The following ANXA4 variants were observed in gnomAD, a reference collection of about 807,000 sequenced individuals.
ANXA4 encodes 35-beta calcimedin.
In ANXA4, 39 loss-of-function variants were observed where a neutral mutation model predicts 49.8. The observed-to-expected ratio is 0.78, with a 90% confidence interval of 0.61 to 1.02. The LOEUF is 1.02. ANXA4 is among the 50% of genes least tolerant of loss of function. The pLI is 0.00. For missense variants in ANXA4, 360 were observed against 410.1 expected (o/e 0.88, Z 1.05); for synonymous variants, 134 against 152.5 (o/e 0.88, Z 0.89).
intron 1 of ANXA4, among the ~76,000 whole-genome samples, chr2:69,756,867 A>T (rs1343355932): frequency 6.6e-6 from 1 of 151,828 alleles, no homozygotes; most frequent in Non-Finnish European, 1.5e-5. Flanking sequence ...ATTCACAAAG[A>T]ATACAAGTTT....
At chr2:69,715,246 G>A (rs766292843) in intron 2 of ANXA4, among the ~76,000 whole-genome samples, 3 of 152,072 alleles carry the variant, frequency 2.0e-5, no homozygotes, top group Non-Finnish European at 4.4e-5. Context: ...GTCTCGCTCT[G>A]TCACCCAGGC....
rs1421083668 is a variant in ANXA4, at chr2:69,810,928, G to C, written c.477+255G>C. The C allele has an allele frequency of 1.0e-5, 5 of 480,632 alleles. No individual in the cohort carries two copies. The Admixed American group carries it at 1.7e-4, about 16-fold the overall frequency. The allele number at this position is 480,632 out of a possible 1,614,324, so 29.8% of individuals were successfully genotyped here. On this transcript the variant is annotated intron_variant, in intron 7 of 12. Coordinates refer to ENST00000394295, the MANE Select transcript of ANXA4 (RefSeq NM_001153.5). The stretch of plus-strand genomic sequence containing the variant: ...CCCCCTGTCACTCAGTGCATTGAGA[G>C]TTATGAAGATGATTCAGAGGCAGTT...
At chr2:69,825,163 C>G (rs1674418732) in intron 12 of ANXA4, among the ~76,000 whole-genome samples, 1 of 150,900 alleles carries the variant, frequency 6.6e-6, no homozygotes, top group South Asian at 2.1e-4. Flanking sequence ...CAGAATACTA[C>G]TGTTCTATCA....
At chr2:69,788,976 T>C (rs1274843773) in intron 3 of ANXA4, among the ~76,000 whole-genome samples, 1 of 152,172 alleles carries the variant, frequency 6.6e-6, no homozygotes, top group Non-Finnish European at 1.5e-5. Flanking sequence ...GGGCATTAGT[T>C]CTTCACTTTA....
chr2:69,758,298 C>G (rs531332088), intron 1 of ANXA4, among the ~76,000 whole-genome samples: 20 of 152,290 alleles, frequency 1.3e-4, no homozygotes, highest in Admixed American at 7.2e-4. Flanking sequence ...CAGGCGTGAG[C>G]TACCGTACCT....
At chr2:69,722,761 G>A (rs1290776822) in intron 3 of ANXA4, among the ~76,000 whole-genome samples, 3 of 150,862 alleles carry the variant, frequency 2.0e-5, no homozygotes, top group South Asian at 2.1e-4. Flanking sequence ...TGTTTAAAAC[G>A]GCAAATTTTA....
At chr2:69,669,334 G>A (rs1274054796) in intron 2 of ANXA4, among the ~76,000 whole-genome samples, 1 of 151,872 alleles carries the variant, frequency 6.6e-6, no homozygotes, top group African/African-American at 2.4e-5. Flanking sequence ...ATAAGGCCGG[G>A]CGCAGTGGCT....
rs1673822633 is a variant in ANXA4 at position 69,813,843 on chromosome 2, C to A, written c.534+1134C>A. On this transcript the variant is annotated intron_variant, in intron 8 of 12. Transcript: ENST00000394295. ...TGTGATCTCAGCTCACCGCAACCTC[C>A]CCCTCCCAGGTTCAAGCAATTCTCC... Among the ~76,000 whole-genome samples, 4 of 150,828 alleles carry A rather than the reference C, an allele frequency of 2.7e-5. No homozygotes were observed. The South Asian group carries it at 8.4e-4, about 32-fold the overall frequency.
intron 3 of ANXA4, among the ~76,000 whole-genome samples, chr2:69,788,754 C>T (rs1311061905): frequency 4.0e-5 from 6 of 150,024 alleles, no homozygotes; most frequent in Non-Finnish European, 5.9e-5. Flanking sequence ...AGGAGAATGG[C>T]GTGAACCCGG....
exon 1 of ANXA4, chr2:69,644,502 G>T (rs955630130): frequency 5.9e-5 from 9 of 152,214 alleles, no homozygotes; most frequent in African/African-American, 2.2e-4. Flanking sequence ...AGCCGGCTCT[G>T]CGGTCAGCTC....
intron 1 of ANXA4, among the ~76,000 whole-genome samples, chr2:69,777,344 T>G (rs921150075): frequency 2.0e-5 from 3 of 152,126 alleles, no homozygotes; most frequent in African/African-American, 7.2e-5. Flanking sequence ...GGCTGAAAAT[T>G]CCAACTCTTT....
At chr2:69,673,341 T>A (rs1030486510) in intron 2 of ANXA4, among the ~76,000 whole-genome samples, 1 of 152,102 alleles carries the variant, frequency 6.6e-6, no homozygotes, top group Non-Finnish European at 1.5e-5. Context: ...AAGGATGAGT[T>A]CATGTCCTTT....
At chr2:69,767,199 G>C (rs896691457) in intron 1 of ANXA4, among the ~76,000 whole-genome samples, 4 of 152,202 alleles carry the variant, frequency 2.6e-5, no homozygotes, top group Admixed American at 2.6e-4. Context: ...AATGTTTTCA[G>C]TTTGTAGCAA....
chr2:69,813,667 C>T (rs1409310628), intron 8 of ANXA4, among the ~76,000 whole-genome samples: 1 of 151,878 alleles, frequency 6.6e-6, no homozygotes, highest in African/African-American at 2.4e-5. Context: ...AGGTCAAGTA[C>T]CTTGCTCAAG....
rs375075101 is a variant in ANXA4 at position 69,664,391 on chromosome 2, G to A, written n.766+11109G>A. Among the ~76,000 whole-genome samples the A allele has an allele frequency of 3.9e-5, 6 of 152,204 alleles. No homozygotes were observed. The South Asian group carries it at 1.0e-3, about 26-fold the overall frequency. ...AAAATGAACAACTAAAAATTGAATG[G>A]TGGGGAAGGGTAATAAGCTAACACT... On this transcript the variant is annotated intron_variant and non_coding_transcript_variant, in intron 2 of 3. Transcript: ENST00000418066.
chr2:69,810,413 G>A, intron 6 of ANXA4, 181 bp from the exon 7 acceptor site: 2 of 596,306 alleles, frequency 3.4e-6, no homozygotes, highest in East Asian at 5.7e-5. Flanking sequence ...GACAGGATAA[G>A]CTGATCTTGA....
chr2:69,651,824 GGGGGGC>G (rs1201298773), intron 1 of ANXA4, among the ~76,000 whole-genome samples: 26 of 51,774 alleles, frequency 5.0e-4, no homozygotes, highest in African/African-American at 2.2e-3. Flanking sequence ...TTTTGGGGGG[GGGGGGC>G]GGGGAGACAG....
intron 2 of ANXA4, among the ~76,000 whole-genome samples, chr2:69,787,729 G>A (rs555798542): frequency 6.6e-6 from 1 of 152,346 alleles, no homozygotes; most frequent in Admixed American, 6.5e-5. Flanking sequence ...TGCATGAGCA[G>A]CTGCTTCATT....
intron 4 of ANXA4, among the ~76,000 whole-genome samples, chr2:69,805,873 T>C (rs1673424247): frequency 6.6e-6 from 1 of 152,242 alleles, no homozygotes; most frequent in Non-Finnish European, 1.5e-5. Context: ...TAGATATTTG[T>C]TAACTTAGTA....
Sources: gnomAD v4.1 joint callset for allele counts (sites outside exome capture counted in the v4.1 genomes callset) on GRCh38, gnomAD v4.1.1 for gene constraint, MANE v1.5 for transcripts, NCBI Gene and HGNC (gene_info 2026-07-23, HGNC 2026-07-21) for gene names.